The following MRPL51 variants were observed in gnomAD, a reference collection of about 807,000 sequenced individuals.
The protein encoded by MRPL51 is mitochondrial ribosomal protein L51, also known as large ribosomal subunit protein mL51.
Under a neutral mutation model 15.0 loss-of-function variants are expected in MRPL51, and 6 were observed. The ratio of observed to expected loss-of-function variants is 0.40; its 90% CI spans 0.22 to 0.79. The LOEUF is 0.79. MRPL51 is among the 30% of genes least tolerant of loss of function. The probability of loss-of-function intolerance (pLI) is 0.36; values close to 1 mark genes in which losing one functional copy is unlikely to be tolerated. For synonymous variants in MRPL51, 65 were observed against 58.3 expected (o/e 1.11, Z -0.52); for missense variants, 155 against 166.4 (o/e 0.93, Z 0.38).
In MRPL51 at chr12:6,493,208, T is replaced by C. The variant is rs188723785; in HGVS notation, c.-72A>G. On this transcript the variant is annotated 5_prime_UTR_variant, in exon 1 of 3. Coordinates refer to ENST00000229238, the MANE Select transcript of MRPL51 (RefSeq NM_016497.4). ...GATGACAGGAACCGTCCCCGCCAAC[T>C]TCACACGAGTACTAAGGCGAAGACA... 5.2e-6 allele frequency: 8 copies of C among 1,529,004 alleles called. No individual in the cohort carries two copies. The highest frequency in any genetic ancestry group is 5.4e-6 in the Non-Finnish European group (6 of 1,112,930). 94.7% of individuals were successfully genotyped at this position (1,529,004 alleles called of 1,614,324 possible).
chr12:6,493,057 C>A lies in MRPL51; in HGVS notation c.79+1G>T, dbSNP rs765189525. The A allele has an allele frequency of 3.1e-6, 5 of 1,613,810 alleles. No homozygotes were observed. Among genetic ancestry groups the A allele is most frequent in the Admixed American group, 3.3e-5 (2 of 60,008 alleles). On this transcript the variant is annotated splice_donor_variant, in intron 1 of 2. Transcript: ENST00000229238. LOFTEE classifies it high-confidence loss of function. ...TCGGGGTGCCTACATCAGCCACTTA[C>A]CAAGAGAGAAGCTTCTGCACGCCAG...
At chr12:6,493,034 G>T in intron 1 of MRPL51, 24 bp downstream of exon 1, 1 of 1,613,930 alleles carries the variant, frequency 6.2e-7, no homozygotes, top group Non-Finnish European at 8.5e-7. Flanking sequence ...AGCAGTTATC[G>T]GGGTGCCTAC....
chr12:6,492,602 C>G, intron 2 of MRPL51, 135 bp from the exon 3 acceptor site: 1 of 961,028 alleles, frequency 1.0e-6, no homozygotes, highest in Admixed American at 2.4e-5. Flanking sequence ...AACAATAGCA[C>G]AGACTCTGGA....
rs1292943663 is a variant in MRPL51 at position 6,493,186 on chromosome 12, G to C, written c.-50C>G. On this transcript the variant is annotated 5_prime_UTR_variant, in exon 1 of 3. Coordinates refer to ENST00000229238, the MANE Select transcript of MRPL51 (RefSeq NM_016497.4). ...GCACACCAAATAAGCCCAAGAAGAT[G>C]ACAGGAACCGTCCCCGCCAACTTCA... 3.1e-6 allele frequency: 5 copies of C among 1,596,796 alleles called. No individual in the cohort carries two copies.
In MRPL51 at chr12:6,493,246, C is replaced by T. The variant is rs971203087; in HGVS notation, c.-110G>A. 74 of 1,200,938 alleles carry T rather than the reference C, an allele frequency of 6.2e-5. No homozygotes were observed. In the Admixed American group the frequency reaches 1.6e-3, roughly 27 times the overall value. 74.4% of individuals were successfully genotyped at this position (1,200,938 alleles called of 1,614,324 possible). A position where few individuals can be genotyped will look rare whatever the true frequency, so the allele number is the denominator to read the frequency against. On this transcript the variant is annotated 5_prime_UTR_variant, in exon 1 of 3. Coordinates refer to ENST00000229238, the MANE Select transcript of MRPL51 (RefSeq NM_016497.4). ...TAAGGCGAAGACAGCCATCTTGGGC[C>T]TTACCCAGGCAGCTGTGGGCGCACC... is the stretch of plus-strand genomic sequence containing the variant.
At position 6,492,920 on chromosome 12, in the gene MRPL51, A is replaced by G. The variant is rs746907089; in HGVS notation, c.132T>C (p.Val44=). ...IRLTLPPPKV[V]DRWNEKRAMF... is the part of the protein sequence containing the mutation. Reference sequence around the variant, plus strand: ...TGGCCCTTTTCTCGTTCCAACGATCAACCACTTTGGGGGGCGGGAGAGTGA... The same window carrying G: ...TGGCCCTTTTCTCGTTCCAACGATCGACCACTTTGGGGGGCGGGAGAGTGA... The change falls in exon 2 of 3, where the codon GTT becomes GTC. Residue 44 remains valine, a synonymous_variant. Coordinates refer to ENST00000229238, the MANE Select transcript of MRPL51 (RefSeq NM_016497.4). The G allele has an allele frequency of 6.2e-7, 1 of 1,614,084 alleles. No homozygotes were observed. The highest frequency in any genetic ancestry group is 8.5e-7 in the Non-Finnish European group (1 of 1,180,006).
rs1444466768 is a variant in MRPL51, at chr12:6,492,454, C to T, written c.204G>A (p.Lys68=). The T allele has an allele frequency of 8.7e-6, 14 of 1,601,404 alleles. No individual in the cohort carries two copies. The highest frequency in any genetic ancestry group is 8.5e-6 in the Non-Finnish European group (10 of 1,175,746). ...GCCCCCTGATCAGTTCTTTGGGGTG[C>T]TTTTCAAAGTTTCCTGTGTAATGTG... ...DNIGILGNFE[K]HPKELIRGPI... is the part of the protein sequence containing the mutation. Residue 68 remains lysine (K), a synonymous_variant, in exon 3 of 3, where the codon AAG becomes AAA. Coordinates refer to ENST00000229238, the MANE Select transcript of MRPL51 (RefSeq NM_016497.4).
At chr12:6,492,498 A>C (rs1764252476) in intron 2 of MRPL51, 31 bp from the exon 3 acceptor site, 9 of 1,564,976 alleles carry the variant, frequency 5.8e-6, no homozygotes, top group South Asian at 4.9e-5. Flanking sequence ...CATTAGATCC[A>C]AGACAAGAGA....
rs773130350 is a variant in MRPL51, at chr12:6,493,179, A to G, written c.-43T>C. ...TTCAACAGCACACCAAATAAGCCCAAGAAGATGACAGGAACCGTCCCCGCC... is the reference window on the plus strand; with the variant it reads ...TTCAACAGCACACCAAATAAGCCCAGGAAGATGACAGGAACCGTCCCCGCC... On this transcript the variant is annotated 5_prime_UTR_variant, in exon 1 of 3. Transcript: ENST00000229238. 6.2e-7 allele frequency: 1 copy of G among 1,604,650 alleles called. No individual in the cohort carries two copies.
At chr12:6,492,754 G>T in intron 2 of MRPL51, 108 bp downstream of exon 2, 1 of 1,121,780 alleles carries the variant, frequency 8.9e-7, no homozygotes, top group Non-Finnish European at 1.3e-6. Flanking sequence ...ATAAGTGTTT[G>T]CTCTTACTAT....
rs1945928665 is a variant in MRPL51, at chr12:6,492,334, G to A, written c.324C>T (p.His108=). 1 of 1,614,114 alleles carries A rather than the reference G, an allele frequency of 6.2e-7. No homozygotes were observed. The highest frequency in any genetic ancestry group is 8.5e-7 in the Non-Finnish European group (1 of 1,180,018). Residue 108 remains histidine, a synonymous_variant, in exon 3 of 3, where the codon CAC becomes CAT. Transcript: ENST00000229238. The stretch of plus-strand genomic sequence containing the variant: ...GATAGCGGATGCGTTTATTAAGGTT[G>A]TGCAGGTCATCAGCGAACATTCTAC... ...VGSRMFADDL[H]NLNKRIRYLY...
rs760579520 is a variant in MRPL51, at chr12:6,493,162, CA to C, written c.-27del. 6.2e-7 allele frequency: 1 copy of C among 1,610,872 alleles called. No homozygotes were observed. The highest frequency in any genetic ancestry group is 1.3e-5 in the African/African-American group (1 of 74,818). On this transcript the variant is annotated 5_prime_UTR_variant, in exon 1 of 3. Coordinates refer to ENST00000229238, the MANE Select transcript of MRPL51 (RefSeq NM_016497.4). ...TTCTCTAGTCTCCCCCCTTCAACAGCACACCAAATAAGCCCAAGAAGATGAC... is the reference window on the plus strand; with the variant it reads ...TTCTCTAGTCTCCCCCCTTCAACAGCCACCAAATAAGCCCAAGAAGATGAC...
Position 6,493,245 on chromosome 12 carries a change from C to G in MRPL51, c.-109G>C. The G allele has an allele frequency of 8.1e-7, 1 of 1,228,016 alleles. No individual in the cohort carries two copies. Among genetic ancestry groups the G allele is most frequent in the Non-Finnish European group, 1.1e-6 (1 of 875,792 alleles). The allele number at this position is 1,228,016 out of a possible 1,614,324, so 76.1% of individuals were successfully genotyped here. ...CTAAGGCGAAGACAGCCATCTTGGG[C>G]CTTACCCAGGCAGCTGTGGGCGCAC... On this transcript the variant is annotated 5_prime_UTR_variant, in exon 1 of 3. Coordinates refer to ENST00000229238, the MANE Select transcript of MRPL51 (RefSeq NM_016497.4).
At chr12:6,492,771 C>T in intron 2 of MRPL51, 91 bp downstream of exon 2, 1 of 1,286,008 alleles carries the variant, frequency 7.8e-7, no homozygotes, top group Non-Finnish European at 1.1e-6. Flanking sequence ...CTATTGAGCA[C>T]AGTACCACTC....
rs923377063 is a variant in MRPL51, at chr12:6,491,894, C to A, written c.*377G>T. 2.4e-5 allele frequency: 4 copies of A among 169,108 alleles called. No individual in the cohort carries two copies. Among genetic ancestry groups the A allele is most frequent in the Non-Finnish European group, 5.1e-5 (4 of 78,896 alleles). 10.5% of individuals were successfully genotyped at this position (169,108 alleles called of 1,614,324 possible). ...TGAGAGTAGTACAGAAGTATGACTCCATTTTTCTCTTATATTTCATTTCAG... is the reference window on the plus strand; with the variant it reads ...TGAGAGTAGTACAGAAGTATGACTCAATTTTTCTCTTATATTTCATTTCAG... On this transcript the variant is annotated 3_prime_UTR_variant, in exon 3 of 3. Transcript: ENST00000229238.
chr12:6,492,504 A>C, intron 2 of MRPL51, 37 bp from the exon 3 acceptor site: 1 of 1,558,026 alleles, frequency 6.4e-7, no homozygotes, highest in Non-Finnish European at 8.7e-7. Flanking sequence ...ATCCAAGACA[A>C]GAGAACTCAT....
rs1339142088 is a variant in MRPL51, at chr12:6,493,243, G to A, written c.-107C>T. Reference sequence around the variant, plus strand: ...TACTAAGGCGAAGACAGCCATCTTGGGCCTTACCCAGGCAGCTGTGGGCGC... The same window carrying A: ...TACTAAGGCGAAGACAGCCATCTTGAGCCTTACCCAGGCAGCTGTGGGCGC... On this transcript the variant is annotated 5_prime_UTR_variant, in exon 1 of 3. Transcript: ENST00000229238. 48 of 1,250,214 alleles carry A rather than the reference G, an allele frequency of 3.8e-5. 1 individual carries two copies. In the East Asian group the frequency reaches 7.5e-4, roughly 19 times the overall value. The allele number at this position is 1,250,214 out of a possible 1,614,324, so 77.4% of individuals were successfully genotyped here.
In MRPL51 at chr12:6,493,111, G is replaced by T; in HGVS notation, c.26C>A (p.Ala9Glu). ...CACCCAGTCCCACAGGCGCCTACCT[G>T]CCCCGGATAAGAGGTTCCCTGCCAT... Reference protein sequence around the residue: MAGNLLSGAGRRLWDWVPL... With the variant: MAGNLLSGEGRRLWDWVPL... Residue 9 changes from alanine (A) to glutamate (E), a missense_variant, in exon 1 of 3, where the codon GCA becomes GAA. Physicochemically the swap from Ala to Glu is moderately radical, Grantham distance 107. Coordinates refer to ENST00000229238, the MANE Select transcript of MRPL51 (RefSeq NM_016497.4). The T allele has an allele frequency of 1.2e-6, 2 of 1,612,584 alleles. No individual in the cohort carries two copies. Among genetic ancestry groups the T allele is most frequent in the South Asian group, 2.2e-5 (2 of 91,010 alleles).
rs139334044 is a variant in MRPL51, at chr12:6,493,021, C to T, written c.79+37G>A. On this transcript the variant is annotated intron_variant, in intron 1 of 2. Coordinates refer to ENST00000229238, the MANE Select transcript of MRPL51 (RefSeq NM_016497.4). Reference sequence around the variant, plus strand: ...TTAATCTGAGCCGCCTATTATACTACGAAGCAGTTATCGGGGTGCCTACAT... The same window carrying T: ...TTAATCTGAGCCGCCTATTATACTATGAAGCAGTTATCGGGGTGCCTACAT... 136 of 1,613,800 alleles carry T rather than the reference C, an allele frequency of 8.4e-5. 1 individual carries two copies. In the African/African-American group the frequency reaches 1.7e-3, roughly 20 times the overall value.
Sources: gnomAD v4.1 joint callset for allele counts on GRCh38, gnomAD v4.1.1 for gene constraint, MANE v1.5 for transcripts, NCBI Gene and HGNC (gene_info 2026-07-23, HGNC 2026-07-21) for gene names.